The following NKAIN4 variants were observed in gnomAD, a reference collection of about 807,000 sequenced individuals.
NKAIN4 encodes the protein sodium/potassium-transporting ATPase subunit beta-1-interacting protein 4.
NKAIN4 carries 28 observed loss-of-function variants against 28.8 expected under a neutral mutation model. The observed-to-expected ratio is 0.97, with a 90% CI of 0.72 to 1.33. The LOEUF (loss-of-function observed/expected upper bound fraction) is 1.33, where lower values mean the gene tolerates loss of function less well. Among genes scored for constraint, NKAIN4 ranks in the 40% most tolerant of loss-of-function variants. The pLI, the probability that NKAIN4 is intolerant of heterozygous loss-of-function variation, is 0.00. For synonymous variants in NKAIN4, 122 were observed against 115.6 expected (o/e 1.06, Z -0.36); for missense variants, 289 against 277.2 (o/e 1.04, Z -0.30).
intron 3 of NKAIN4, 101 bp from the exon 4 acceptor site, chr20:63,247,876 G>A: frequency 7.3e-7 from 1 of 1,376,938 alleles, no homozygotes. Context: ...GCAAGGGGAG[G>A]TCCTGTCCTC....
At chr20:63,246,923 T>TAA (rs2066868976) in intron 4 of NKAIN4, 1 of 985,640 alleles carries the variant, frequency 1.0e-6, no homozygotes, top group Non-Finnish European at 1.2e-6. Context: ...AGTGGCCGTG[T>TAA]GGCCATACCA....
In NKAIN4 at chr20:63,254,426, C is replaced by T; in HGVS notation, c.25G>A (p.Ala9Thr). Reference protein sequence around the residue: MGSCSGRCALVVLCAFQLV... With the variant: MGSCSGRCTLVVLCAFQLV... ...TGAAAAGCGCAGAGGACGACGAGCGCGCAGCGGCCGGAGCAGGAGCCCATG... is the reference window on the plus strand; with the variant it reads ...TGAAAAGCGCAGAGGACGACGAGCGTGCAGCGGCCGGAGCAGGAGCCCATG... Residue 9 changes from alanine to threonine, a missense_variant, in exon 1 of 7, where the codon GCG (alanine) becomes ACG (threonine). Transcript: ENST00000370316. 6.9e-7 allele frequency: 1 copy of T among 1,439,230 alleles called. No homozygotes were observed. The highest frequency in any genetic ancestry group is 9.1e-7 in the Non-Finnish European group (1 of 1,096,390). The allele number at this position is 1,439,230 out of a possible 1,614,324, so 89.2% of individuals were successfully genotyped here.
intron 1 of NKAIN4, chr20:63,253,263 C>T: frequency 1.0e-6 from 1 of 985,452 alleles, no homozygotes; most frequent in Non-Finnish European, 1.2e-6. Context: ...CCTTGGGCCC[C>T]CAGCCTGTTG....
intron 3 of NKAIN4, 48 bp downstream of exon 3, chr20:63,248,767 C>T (rs375389370): frequency 7.7e-7 from 1 of 1,290,742 alleles, no homozygotes; most frequent in African/African-American, 1.5e-5. Flanking sequence ...AGGGGCCCGG[C>T]CCAGACCCCA....
upstream of NKAIN4, chr20:63,254,850 C>T (rs6062868): frequency 0.28 from 48,442 of 171,424 alleles, 6,963 homozygotes; most frequent in East Asian, 0.33. Context: ...GTGCGCCCTC[C>T]GGCGTGAGAT....
rs896243759 is a variant in NKAIN4, at chr20:63,252,353, C to A, written c.54+2044G>T. Among the ~76,000 whole-genome samples the A allele has an allele frequency of 1.3e-5, 2 of 152,064 alleles. No homozygotes were observed. Among genetic ancestry groups the A allele is most frequent in the African/African-American group, 2.4e-5 (1 of 41,386 alleles). On this transcript the variant is annotated intron_variant, in intron 1 of 6. Coordinates refer to ENST00000370316, the MANE Select transcript of NKAIN4 (RefSeq NM_152864.4). This position sits in a 1 kb window ranked among gnomAD's most constrained non-coding sequence, Gnocchi z 4.6. Reference sequence around the variant, plus strand: ...CCTGGGAATTGGACGCAGCACAGCCCGGCTCAGAGCCAGCAAAGTTCACAC... The same window carrying A: ...CCTGGGAATTGGACGCAGCACAGCCAGGCTCAGAGCCAGCAAAGTTCACAC...
rs576331602 is a variant in NKAIN4, at chr20:63,253,710, G to A, written c.54+687C>T. ...GGCGTCCCAGGGAGCTTCGGACTCCGGGGCAGAATGGAAACTTGGCCGAGG... is the reference window on the plus strand; with the variant it reads ...GGCGTCCCAGGGAGCTTCGGACTCCAGGGCAGAATGGAAACTTGGCCGAGG... On this transcript the variant is annotated intron_variant, in intron 1 of 6. Coordinates refer to ENST00000370316, the MANE Select transcript of NKAIN4 (RefSeq NM_152864.4). 2.3e-4 allele frequency among the ~76,000 whole-genome samples: 35 copies of A among 152,254 alleles called. No homozygotes were observed. The South Asian group carries it at 7.0e-3, about 31-fold the overall frequency.
At chr20:63,253,162 T>C (rs1601303087) in intron 1 of NKAIN4, 1 of 976,940 alleles carries the variant, frequency 1.0e-6, no homozygotes, top group African/African-American at 1.8e-5. Flanking sequence ...CATTCCTGCT[T>C]CCAGCCCCTC....
At chr20:63,242,509 C>A (rs371340057) in intron 6 of NKAIN4, 30 bp downstream of exon 6, 1 of 1,546,174 alleles carries the variant, frequency 6.5e-7, no homozygotes, top group Non-Finnish European at 8.9e-7. Context: ...CCAGGCTGGC[C>A]GCAGAGCAGG....
Position 63,249,935 on chromosome 20 carries a change from C to A in NKAIN4, c.192G>T (p.Val64=). The part of the protein sequence containing the change: ...TIQYRLRYVM[V]YTLWAAVWVT... Reference sequence around the variant, plus strand: ...AAAGAGGGCCGGGCCCAGGACTCACCACCATGACATAGCGCAGCCGGTACT... The same window carrying A: ...AAAGAGGGCCGGGCCCAGGACTCACAACCATGACATAGCGCAGCCGGTACT... The change falls in exon 2 of 7, where the codon GTG becomes GTT. Residue 64 remains valine, a splice_region_variant and synonymous_variant. Transcript: ENST00000370316. 6.2e-7 allele frequency: 1 copy of A among 1,612,444 alleles called. No individual in the cohort carries two copies.
chr20:63,247,914 C>CCG, intron 3 of NKAIN4, 139 bp from the exon 4 acceptor site: 1 of 1,234,060 alleles, frequency 8.1e-7, no homozygotes, highest in Non-Finnish European at 1.1e-6. Context: ...CCACTGCACC[C>CCG]CGCCCCCAGG....
chr20:63,246,880 G>A, intron 4 of NKAIN4: 1 of 985,392 alleles, frequency 1.0e-6, no homozygotes, highest in Non-Finnish European at 1.2e-6. Flanking sequence ...GCACACGGAG[G>A]TTGTTAGGCT....
chr20:63,249,158 G>T (rs530565793), intron 2 of NKAIN4: 1 of 496,304 alleles, frequency 2.0e-6, no homozygotes, highest in South Asian at 2.0e-5. Context: ...GCAGGTCGGC[G>T]TACGGACACA....
chr20:63,248,191 C>T, intron 3 of NKAIN4: 1 of 177,846 alleles, frequency 5.6e-6, no homozygotes, highest in South Asian at 1.7e-4. Context: ...TGCCCCAGTG[C>T]CCACCTGTGC....
In NKAIN4 at chr20:63,250,177, C is replaced by T. The variant is rs138474407; in HGVS notation, c.55-105G>A. ...CAGGATCTCAGCAGGGACTTCCTCC[C>T]CACACCCGCCCACCACACCTTTGTT... On this transcript the variant is annotated intron_variant, in intron 1 of 6. Coordinates refer to ENST00000370316, the MANE Select transcript of NKAIN4 (RefSeq NM_152864.4). The T allele has an allele frequency of 6.4e-4, 814 of 1,271,908 alleles. 3 individuals are homozygous for T. In the African/African-American group the frequency reaches 0.011, roughly 17 times the overall value. The allele number at this position is 1,271,908 out of a possible 1,614,324, so 78.8% of individuals were successfully genotyped here.
chr20:63,251,161 G>A lies in NKAIN4; in HGVS notation c.55-1089C>T, dbSNP rs137878461. 5.8e-3 allele frequency among the ~76,000 whole-genome samples: 788 copies of A among 136,612 alleles called. 5 individuals are homozygous for A. The highest frequency in any genetic ancestry group is 0.017 in the African/African-American group (682 of 40,660). The allele number at this position is 136,612 out of a possible 152,430, so 89.6% of individuals were successfully genotyped here. On this transcript the variant is annotated intron_variant, in intron 1 of 6. Transcript: ENST00000370316. ...GCCTGCCTGGCAGCCGAGGCAGAGA[G>A]AGAGGAGAGAGAGAGAGAGAGACAG...
chr20:63,248,569 G>A, intron 3 of NKAIN4: 1 of 469,480 alleles, frequency 2.1e-6, no homozygotes, highest in Non-Finnish European at 3.9e-6. Context: ...TCCCCAGCTG[G>A]AGCCCCCTCG....
chr20:63,244,138 G>A (rs2066814004), intron 4 of NKAIN4, 54 bp from the exon 5 acceptor site: 20 of 1,549,776 alleles, frequency 1.3e-5, no homozygotes, highest in Non-Finnish European at 1.7e-5. Context: ...CCTGTGGGGT[G>A]TCATTGAGGC....
rs2066737553 is a variant in NKAIN4 at position 63,240,832 on chromosome 20, GCCTTTGGGA to G, written c.*656_*664del. 4 of 152,390 alleles carry G rather than the reference GCCTTTGGGA, an allele frequency of 2.6e-5. No individual in the cohort carries two copies. Among genetic ancestry groups the G allele is most frequent in the African/African-American group, 9.6e-5 (4 of 41,466 alleles). 9.4% of individuals were successfully genotyped at this position (152,390 alleles called of 1,614,324 possible). A position where few individuals can be genotyped will look rare whatever the true frequency, so the allele number is the denominator to read the frequency against. On this transcript the variant is annotated 3_prime_UTR_variant, in exon 7 of 7. Coordinates refer to ENST00000370316, the MANE Select transcript of NKAIN4 (RefSeq NM_152864.4). ...TACCAACTTGATGATACCTGGGGGA[GCCTTTGGGA>G]CTGTTTGCCCAAGAGCCCCCTTTAC...
Sources: allele counts gnomAD v4.1 joint callset (sites outside exome capture counted in the v4.1 genomes callset), GRCh38; gene constraint gnomAD v4.1.1; non-coding constraint Gnocchi (gnomAD v3.1); transcripts MANE v1.5; gene names NCBI Gene and HGNC (gene_info 2026-07-23, HGNC 2026-07-21).